Variants in CCSER1 observed in about 807,000 individuals in gnomAD.
The protein encoded by CCSER1 is serine-rich coiled-coil domain-containing protein 1.
A neutral mutation model predicts 82.0 loss-of-function variants in CCSER1; 41 were observed. The observed-to-expected ratio is 0.50, with a 90% CI of 0.39 to 0.65. CCSER1 has a LOEUF of 0.65. CCSER1 is among the 30% of genes least tolerant of loss of function. The pLI is 0.00. For missense variants in CCSER1, 1,119 were observed against 1,064.2 expected, an observed-to-expected ratio of 1.05 and a Z score of -0.72; for synonymous variants, 414 against 383.9, an observed-to-expected ratio of 1.08 and a Z score of -0.92.
At chr4:90,699,680 G>A (rs942151636) in intron 6 of CCSER1, among the ~76,000 whole-genome samples, 2 of 152,098 alleles carry the variant, frequency 1.3e-5, no homozygotes, top group East Asian at 1.9e-4. Flanking sequence ...AAGAGCACTG[G>A]CAAAGCAGCT....
intron 10 of CCSER1, among the ~76,000 whole-genome samples, chr4:91,382,303 G>A (rs1221332844): frequency 6.6e-6 from 1 of 152,174 alleles, no homozygotes; most frequent in Non-Finnish European, 1.5e-5. Flanking sequence ...CTGCCCCCAT[G>A]GGTAGAGTCT....
At chr4:90,640,246 C>T (rs1019589827) in intron 6 of CCSER1, among the ~76,000 whole-genome samples, 1 of 152,074 alleles carries the variant, frequency 6.6e-6, no homozygotes, top group African/African-American at 2.4e-5. Context: ...CCATTTCCAT[C>T]TAGTTCTCAG....
At chr4:91,231,514 G>A (rs997927178) in intron 10 of CCSER1, among the ~76,000 whole-genome samples, 1 of 151,710 alleles carries the variant, frequency 6.6e-6, no homozygotes, top group African/African-American at 2.4e-5. Context: ...ATACGTATAG[G>A]TTGTTCACAC....
At chr4:90,731,755 G>A (rs1311593255) in intron 7 of CCSER1, among the ~76,000 whole-genome samples, 2 of 152,096 alleles carry the variant, frequency 1.3e-5, no homozygotes, top group Non-Finnish European at 2.9e-5. Context: ...TTTGATTGAT[G>A]TAATACAAAA....
chr4:90,643,048 A>G (rs1396910254), intron 6 of CCSER1, among the ~76,000 whole-genome samples: 2 of 152,182 alleles, frequency 1.3e-5, no homozygotes, highest in East Asian at 1.9e-4. Context: ...TTTTGAGCAG[A>G]CTATGAAGAG....
chr4:91,577,158 C>CT (rs111898909), intron 10 of CCSER1, among the ~76,000 whole-genome samples: 1 of 151,698 alleles, frequency 6.6e-6, no homozygotes, highest in East Asian at 1.9e-4. Context: ...GCCTTTATAT[C>CT]TTTTTTTTAA....
At chr4:90,867,035 G>A (rs1484865375) in intron 8 of CCSER1, among the ~76,000 whole-genome samples, 1 of 151,980 alleles carries the variant, frequency 6.6e-6, no homozygotes, top group African/African-American at 2.4e-5. Flanking sequence ...AGTGGCCTGG[G>A]GATTGAGGAT....
At position 90,143,232 on chromosome 4, in the gene CCSER1, C is replaced by T. The variant is rs982704331; in HGVS notation, c.-42+15401C>T. Among the ~76,000 whole-genome samples the T allele has an allele frequency of 2.0e-5, 3 of 152,166 alleles. No individual in the cohort carries two copies. In the East Asian group the frequency reaches 5.8e-4, roughly 29 times the overall value. The stretch of plus-strand genomic sequence containing the variant: ...TCTTCCCTCTGCCTGGAATGGTCTC[C>T]CATTCCTGCCGTATTAAGCCAATTT... On this transcript the variant is annotated intron_variant, in intron 1 of 10. Coordinates refer to ENST00000509176, the MANE Select transcript of CCSER1 (RefSeq NM_001145065.2).
At chr4:90,569,961 CAG>C (rs1272213099) in intron 5 of CCSER1, among the ~76,000 whole-genome samples, 5 of 152,182 alleles carry the variant, frequency 3.3e-5, no homozygotes, top group African/African-American at 4.8e-5. Context: ...GTTTGCCCCT[CAG>C]AATAGCCAGT....
At chr4:91,115,408 C>T (rs1006205642) in intron 10 of CCSER1, among the ~76,000 whole-genome samples, 1 of 151,996 alleles carries the variant, frequency 6.6e-6, no homozygotes, top group African/African-American at 2.4e-5. Context: ...CTCACCGCAA[C>T]CTCCATCTCC....
At chr4:90,586,118 C>T (rs969274768) in intron 5 of CCSER1, among the ~76,000 whole-genome samples, 3 of 152,074 alleles carry the variant, frequency 2.0e-5, no homozygotes, top group South Asian at 2.1e-4. Flanking sequence ...GGTGGGTGAG[C>T]GAGCATTACT....
chr4:90,715,644 G>A (rs1256426737), intron 6 of CCSER1, among the ~76,000 whole-genome samples: 3 of 151,970 alleles, frequency 2.0e-5, no homozygotes, highest in African/African-American at 7.2e-5. Context: ...GTGATTTCAG[G>A]AGGGTGAACC....
At chr4:90,333,180 C>A (rs1425815991) in intron 3 of CCSER1, among the ~76,000 whole-genome samples, 1 of 152,118 alleles carries the variant, frequency 6.6e-6, no homozygotes, top group East Asian at 1.9e-4. Context: ...GGTGATGTTA[C>A]TTTTGATCAC....
intron 3 of CCSER1, among the ~76,000 whole-genome samples, chr4:90,361,067 C>G (rs2153518415): frequency 6.6e-6 from 1 of 152,280 alleles, no homozygotes; most frequent in African/African-American, 2.4e-5. Flanking sequence ...ATTATCTAAA[C>G]ATACTTTGAG....
chr4:90,643,527 G>A (rs1192292272), intron 6 of CCSER1, among the ~76,000 whole-genome samples: 1 of 152,062 alleles, frequency 6.6e-6, no homozygotes, highest in Non-Finnish European at 1.5e-5. Context: ...AGTAGGTTGG[G>A]GATAACAGTC....
At chr4:90,841,055 C>T (rs1762507070) in intron 8 of CCSER1, among the ~76,000 whole-genome samples, 3 of 152,142 alleles carry the variant, frequency 2.0e-5, no homozygotes, top group Non-Finnish European at 4.4e-5. Flanking sequence ...TCTAGAGATA[C>T]TGAGTCAGCA....
chr4:91,346,826 A>G lies in CCSER1; in HGVS notation c.2218-251746A>G, dbSNP rs182430837. 5.3e-3 allele frequency among the ~76,000 whole-genome samples: 811 copies of G among 152,136 alleles called. 6 individuals are homozygous for G. Among genetic ancestry groups the G allele is most frequent in the African/African-American group, 0.019 (783 of 41,528 alleles). On this transcript the variant is annotated intron_variant, in intron 10 of 10. Coordinates refer to ENST00000509176, the MANE Select transcript of CCSER1 (RefSeq NM_001145065.2). ...ATAACTTTTGCCCATTTTAAATTATATTGTTTGTTTCTTATTTTTGAGTTA... is the reference window on the plus strand; with the variant it reads ...ATAACTTTTGCCCATTTTAAATTATGTTGTTTGTTTCTTATTTTTGAGTTA...
At chr4:90,799,019 G>C (rs1279765970) in intron 7 of CCSER1, among the ~76,000 whole-genome samples, 1 of 152,206 alleles carries the variant, frequency 6.6e-6, no homozygotes, top group Non-Finnish European at 1.5e-5. Context: ...CTGCAGCAGA[G>C]TGCCAGCAGG....
intron 4 of CCSER1, among the ~76,000 whole-genome samples, chr4:90,416,216 T>C (rs1223853277): frequency 6.6e-6 from 1 of 152,200 alleles, no homozygotes. Flanking sequence ...AATTAAATAT[T>C]TTAAAATTCA....
Sources: allele counts gnomAD v4.1 joint callset (sites outside exome capture counted in the v4.1 genomes callset), GRCh38; gene constraint gnomAD v4.1.1; transcripts MANE v1.5; gene names NCBI Gene and HGNC (gene_info 2026-07-23, HGNC 2026-07-21).